RALGPS1: variants seen among roughly 807,000 people sequenced by gnomAD.
RALGPS1 encodes Ral GEF with PH domain and SH3 binding motif 1, also known as ras-specific guanine nucleotide-releasing factor RalGPS1.
In RALGPS1, 19 loss-of-function variants were observed where a neutral mutation model predicts 78.8. The observed-to-expected ratio is 0.24, with a 90% CI of 0.17 to 0.35. The LOEUF (loss-of-function observed/expected upper bound fraction) is 0.35. Among genes scored for constraint, RALGPS1 ranks in the 10% least tolerant of loss-of-function variants. The pLI is 1.00. For synonymous variants in RALGPS1, 228 were observed against 256.3 expected (o/e 0.89, Z 1.06); for missense variants, 454 against 688.3 (o/e 0.66, Z 3.81).
chr9:127,075,900 A>ACC (rs1300406540), intron 8 of RALGPS1, among the ~76,000 whole-genome samples: 2 of 152,230 alleles, frequency 1.3e-5, no homozygotes, highest in Admixed American at 1.3e-4. Context: ...TTTATGTAGT[A>ACC]CTAGCCTTTG....
chr9:126,970,913 A>G (rs987427745), intron 3 of RALGPS1, among the ~76,000 whole-genome samples: 1 of 152,224 alleles, frequency 6.6e-6, no homozygotes, highest in Admixed American at 6.5e-5. Context: ...GTTTATTTTT[A>G]AATGAGCTAA....
chr9:126,983,091 C>T (rs1042735584), intron 4 of RALGPS1, among the ~76,000 whole-genome samples: 94 of 151,656 alleles, frequency 6.2e-4, no homozygotes, highest in African/African-American at 2.3e-3. Flanking sequence ...CACCTGATAC[C>T]ACGACCGGCT....
intron 1 of RALGPS1, among the ~76,000 whole-genome samples, chr9:126,928,803 T>G (rs1242490115): frequency 6.6e-6 from 1 of 152,108 alleles, no homozygotes; most frequent in Non-Finnish European, 1.5e-5. Flanking sequence ...GGTTTCACTG[T>G]GTTCGCCAGG....
intron 4 of RALGPS1, among the ~76,000 whole-genome samples, chr9:127,020,534 CAAAG>C (rs1187558549): frequency 6.6e-6 from 1 of 152,068 alleles, no homozygotes; most frequent in Non-Finnish European, 1.5e-5. Context: ...AGAGCAAAAA[CAAAG>C]GAAGATGAAT....
chr9:127,191,915 T>G (rs2140444107), intron 11 of RALGPS1, among the ~76,000 whole-genome samples: 1 of 152,218 alleles, frequency 6.6e-6, no homozygotes, highest in South Asian at 2.1e-4. Flanking sequence ...GCCAGGATGG[T>G]CTTGATCTCC....
chr9:126,986,018 C>T (rs2041763495), intron 4 of RALGPS1, among the ~76,000 whole-genome samples: 2 of 152,246 alleles, frequency 1.3e-5, no homozygotes, highest in Non-Finnish European at 2.9e-5. Context: ...GGTGTAACCA[C>T]TTCCCGCAAA....
At chr9:127,043,316 G>A (rs1294711537) in intron 5 of RALGPS1, among the ~76,000 whole-genome samples, 2 of 152,020 alleles carry the variant, frequency 1.3e-5, no homozygotes, top group East Asian at 1.9e-4. Flanking sequence ...AATATGGTCA[G>A]CTGATCTTTG....
intron 8 of RALGPS1, among the ~76,000 whole-genome samples, chr9:127,139,019 TCCCTGTAATTTGCTG>T (rs2057590921): frequency 1.3e-5 from 2 of 152,316 alleles, no homozygotes; most frequent in South Asian, 4.2e-4. Flanking sequence ...CTTCTATCTC[TCCCTGTAATTTGCTG>T]CCCTGTAATT....
Position 126,962,349 on chromosome 9 carries a change from A to AC in RALGPS1, c.57+4dup. The AC allele has an allele frequency of 6.2e-7, 1 of 1,614,016 alleles. No individual in the cohort carries two copies. Among genetic ancestry groups the AC allele is most frequent in the Non-Finnish European group, 8.5e-7 (1 of 1,179,906 alleles). Reference sequence around the variant, plus strand: ...TGGTCACCTCTGCCACTCCACAGGTACTGAGGCTGCAAGAATCGGGACAGT... The same window carrying AC: ...TGGTCACCTCTGCCACTCCACAGGTACCTGAGGCTGCAAGAATCGGGACAGT... On this transcript the variant is annotated splice_donor_region_variant and intron_variant, in intron 2 of 18. Transcript: ENST00000259351.
intron 12 of RALGPS1, 147 bp downstream of exon 12, chr9:127,195,364 T>G: frequency 2.0e-5 from 22 of 1,078,798 alleles, no homozygotes; most frequent in East Asian, 5.6e-5. Flanking sequence ...TCCTGGCCAG[T>G]GCGCTTTCCT....
chr9:127,106,689 A>T (rs904225155), intron 8 of RALGPS1, among the ~76,000 whole-genome samples: 1 of 152,154 alleles, frequency 6.6e-6, no homozygotes, highest in Non-Finnish European at 1.5e-5. Context: ...GCTGCAGTGG[A>T]TGCTCACTTT....
chr9:127,168,918 G>T, intron 10 of RALGPS1, 146 bp downstream of exon 10: 1 of 656,066 alleles, frequency 1.5e-6, no homozygotes, highest in Admixed American at 2.6e-5. Context: ...TAGCGCCCAG[G>T]CCCCAGCACA....
chr9:127,099,546 C>T (rs888256698), intron 8 of RALGPS1, among the ~76,000 whole-genome samples: 2 of 152,176 alleles, frequency 1.3e-5, no homozygotes, highest in African/African-American at 4.8e-5. Context: ...ACTCACTGGG[C>T]ACCCCATGAG....
chr9:126,992,674 A>G (rs189311361), intron 4 of RALGPS1, among the ~76,000 whole-genome samples: 174 of 152,308 alleles, frequency 1.1e-3, no homozygotes, highest in Admixed American at 3.1e-3. Flanking sequence ...TGTATTAAGG[A>G]CTCATAACAC....
At chr9:127,011,533 G>A (rs892850949) in intron 4 of RALGPS1, among the ~76,000 whole-genome samples, 2 of 152,060 alleles carry the variant, frequency 1.3e-5, no homozygotes, top group Non-Finnish European at 2.9e-5. Flanking sequence ...ATTCAGTAGG[G>A]TGTATTAGAC....
chr9:127,108,174 C>T, intron 8 of RALGPS1: 1 of 1,614,060 alleles, frequency 6.2e-7, no homozygotes, highest in Non-Finnish European at 8.5e-7. Context: ...CCAGTGTGGC[C>T]AGGTGCTGGT....
intron 1 of RALGPS1, among the ~76,000 whole-genome samples, chr9:126,929,383 T>G (rs896054238): frequency 2.6e-5 from 4 of 152,190 alleles, no homozygotes; most frequent in Non-Finnish European, 5.9e-5. Context: ...AGGCAAGAGA[T>G]TCTGAATCAA....
intron 8 of RALGPS1, among the ~76,000 whole-genome samples, chr9:127,106,091 A>G (rs990714404): frequency 6.6e-6 from 1 of 152,190 alleles, no homozygotes. Flanking sequence ...TTCCTATACT[A>G]TGTATCTGCC....
chr9:126,976,070 CT>C (rs2040590358), intron 3 of RALGPS1, among the ~76,000 whole-genome samples: 1 of 152,172 alleles, frequency 6.6e-6, no homozygotes, highest in South Asian at 2.1e-4. Flanking sequence ...CTTGGACCAC[CT>C]TTGAGTGTGT....
Sources: gnomAD v4.1 joint callset for allele counts (sites outside exome capture counted in the v4.1 genomes callset) on GRCh38, gnomAD v4.1.1 for gene constraint, MANE v1.5 for transcripts, NCBI Gene and HGNC (gene_info 2026-07-23, HGNC 2026-07-21) for gene names.